Variants in FOXP1 observed in about 807,000 individuals in gnomAD.
FOXP1 encodes forkhead box P1, also known as forkhead box protein P1.
Under a neutral mutation model 98.2 loss-of-function variants are expected in FOXP1, and 15 were observed. That is an observed-to-expected ratio of 0.15 (90% confidence interval 0.10 to 0.24). FOXP1 has a LOEUF of 0.24. FOXP1 is among the 10% of genes least tolerant of loss of function. The pLI is 1.00. For missense variants in FOXP1, 633 were observed against 848.5 expected, an observed-to-expected ratio of 0.75 and a Z score of 3.15; for synonymous variants, 371 against 314.5, an observed-to-expected ratio of 1.18 and a Z score of -1.90.
intron 4 of FOXP1, among the ~76,000 whole-genome samples, chr3:71,322,580 G>A (rs980642412): frequency 6.6e-6 from 1 of 152,172 alleles, no homozygotes. Context: ...GAAAACAGGA[G>A]CCAGGTGGAG....
At chr3:71,077,527 C>T (rs1295336297) in intron 7 of FOXP1, among the ~76,000 whole-genome samples, 2 of 152,146 alleles carry the variant, frequency 1.3e-5, no homozygotes, top group Non-Finnish European at 2.9e-5. Context: ...CACATACACA[C>T]GAGGAGAAGA....
intron 5 of FOXP1, among the ~76,000 whole-genome samples, chr3:71,263,648 C>T (rs1361504437): frequency 6.6e-6 from 1 of 152,108 alleles, no homozygotes; most frequent in Non-Finnish European, 1.5e-5. Flanking sequence ...TTAAGCTACT[C>T]CTTTGTGGAG....
chr3:71,166,702 C>T (rs1349260695), intron 6 of FOXP1, among the ~76,000 whole-genome samples: 1 of 152,116 alleles, frequency 6.6e-6, no homozygotes, highest in Non-Finnish European at 1.5e-5. Context: ...TCCAAGATGA[C>T]TGCTGCAAAA....
At chr3:71,146,839 G>A (rs913360179) in intron 6 of FOXP1, among the ~76,000 whole-genome samples, 3 of 152,212 alleles carry the variant, frequency 2.0e-5, no homozygotes, top group African/African-American at 7.2e-5. Context: ...GGAAAGCCTG[G>A]AGACTCCTCC....
chr3:71,304,820 T>C (rs1475715280), intron 4 of FOXP1: 2 of 149,520 alleles, frequency 1.3e-5, no homozygotes, highest in Non-Finnish European at 1.5e-5. Context: ...TGAAATTTTA[T>C]TTAAATTCTC....
intron 3 of FOXP1, among the ~76,000 whole-genome samples, chr3:71,410,056 G>C (rs985907552): frequency 2.0e-5 from 3 of 152,100 alleles, no homozygotes; most frequent in Non-Finnish European, 4.4e-5. Context: ...CAAAAAAACA[G>C]TGTGGCTTGG....
chr3:71,493,790 T>C (rs1393082596), intron 2 of FOXP1, among the ~76,000 whole-genome samples: 3 of 152,200 alleles, frequency 2.0e-5, no homozygotes, highest in Non-Finnish European at 4.4e-5. Flanking sequence ...TTATTTATTA[T>C]GGGCTTTGTA....
chr3:71,106,756 AC>A (rs2107704122), intron 7 of FOXP1, among the ~76,000 whole-genome samples: 1 of 142,942 alleles, frequency 7.0e-6, no homozygotes, highest in Non-Finnish European at 1.5e-5. Context: ...CTGCAGTTGC[AC>A]CTGGTTCAAA....
intron 5 of FOXP1, among the ~76,000 whole-genome samples, chr3:71,272,039 T>C (rs2070412160): frequency 1.3e-5 from 2 of 152,196 alleles, no homozygotes; most frequent in African/African-American, 4.8e-5. Context: ...AAAGCACCTA[T>C]TATACATTCT....
At chr3:71,080,338 A>AGATGAAAATGAATTTTG (rs2054277972) in intron 7 of FOXP1, among the ~76,000 whole-genome samples, 1 of 152,228 alleles carries the variant, frequency 6.6e-6, no homozygotes, top group African/African-American at 2.4e-5. Flanking sequence ...ACACCTTTAG[A>AGATGAAAATGAATTTTG]AGTTTTTTGA....
intron 20 of FOXP1, among the ~76,000 whole-genome samples, chr3:70,965,098 C>G (rs919424161): frequency 6.6e-6 from 1 of 152,208 alleles, no homozygotes; most frequent in Non-Finnish European, 1.5e-5. Flanking sequence ...AAGGGAGAGA[C>G]TGTCATCCCA....
chr3:71,311,615 C>T (rs555510751), intron 4 of FOXP1, among the ~76,000 whole-genome samples: 194 of 152,318 alleles, frequency 1.3e-3, no homozygotes, highest in South Asian at 2.3e-3. Flanking sequence ...TGGACACGCT[C>T]ATCTCAAGAA....
chr3:71,375,628 GGA>G (rs2079655685), intron 3 of FOXP1, among the ~76,000 whole-genome samples: 1 of 152,096 alleles, frequency 6.6e-6, no homozygotes, highest in Non-Finnish European at 1.5e-5. Flanking sequence ...AAGAGTACAA[GGA>G]GACATTCTAG....
chr3:71,322,845 T>C (rs1457675815), intron 4 of FOXP1, among the ~76,000 whole-genome samples: 1 of 152,122 alleles, frequency 6.6e-6, no homozygotes, highest in Non-Finnish European at 1.5e-5. Context: ...GCTGACAAAG[T>C]ACAGCAGTGG....
intron 9 of FOXP1, 81 bp from the exon 10 acceptor site, chr3:71,047,176 C>T: frequency 6.6e-7 from 1 of 1,506,438 alleles, no homozygotes; most frequent in Non-Finnish European, 9.2e-7. Context: ...AACTCACCAT[C>T]ATCATCAAAT....
chr3:71,341,997 T>G (rs2107784420), intron 4 of FOXP1, among the ~76,000 whole-genome samples: 1 of 152,244 alleles, frequency 6.6e-6, no homozygotes, highest in South Asian at 2.1e-4. Flanking sequence ...AAATACAGCT[T>G]TAAAACACAG....
intron 11 of FOXP1, among the ~76,000 whole-genome samples, chr3:71,032,043 G>A (rs749646006): frequency 5.3e-5 from 8 of 152,232 alleles, no homozygotes; most frequent in South Asian, 2.1e-4. Flanking sequence ...GTGTGTGTGC[G>A]TCATAACTCA....
At position 71,176,535 on chromosome 3, in the gene FOXP1, C is replaced by T. The variant is rs541824495; in HGVS notation, c.180+21667G>A. Among the ~76,000 whole-genome samples, 258 of 152,174 alleles carry T rather than the reference C, an allele frequency of 1.7e-3. 1 individual carries two copies. Among genetic ancestry groups the T allele is most frequent in the Non-Finnish European group, 2.1e-3 (142 of 68,022 alleles). ...TTTATTGCCTATAGCATGCTGCAAA[C>T]GTCACCACCAGAGGCACTGCCGAAT... On this transcript the variant is annotated intron_variant, in intron 6 of 20. Transcript: ENST00000649528.
intron 4 of FOXP1, among the ~76,000 whole-genome samples, chr3:71,355,047 G>C (rs1157251177): frequency 6.6e-6 from 1 of 152,164 alleles, no homozygotes; most frequent in East Asian, 1.9e-4. Context: ...ACCCCTTCCG[G>C]ATGGGACACG....
Sources: allele counts gnomAD v4.1 joint callset (sites outside exome capture counted in the v4.1 genomes callset), GRCh38; gene constraint gnomAD v4.1.1; transcripts MANE v1.5; gene names NCBI Gene and HGNC (gene_info 2026-07-23, HGNC 2026-07-21).